The following SNX27 variants were observed in gnomAD, a reference collection of about 807,000 sequenced individuals.
The protein encoded by SNX27 is sorting nexin-27.
A neutral mutation model predicts 71.6 loss-of-function variants in SNX27; 22 were observed. The observed-to-expected ratio is 0.31, with a 90% CI of 0.22 to 0.44. The LOEUF (loss-of-function observed/expected upper bound fraction) is 0.44. Ranked by LOEUF, SNX27 falls within the 20% of genes least tolerant of loss-of-function variation. The pLI, the probability that SNX27 is intolerant of heterozygous loss-of-function variation, is 1.00. For synonymous variants in SNX27, 269 were observed against 277.2 expected, an observed-to-expected ratio of 0.97 and a Z score of 0.29; for missense variants, 531 against 698.6, an observed-to-expected ratio of 0.76 and a Z score of 2.70.
Position 151,612,472 on chromosome 1 carries a change from G to T in SNX27, c.271G>T (p.Asp91Tyr), listed in dbSNP as rs747022780. ...VSAVLPGGAA[D>Y]RAGVRKGDRI... ...CGCCGTGCTGCCCGGGGGGGCGGCC[G>T]ATCGGGCCGGGGTGCGCAAGGGGGA... The change falls in exon 1 of 12, where the codon GAT becomes TAT. Residue 91 changes from aspartate to tyrosine, a missense_variant. By Grantham distance (160) the Asp-to-Tyr change is radical. Coordinates refer to ENST00000458013, the MANE Select transcript of SNX27 (RefSeq NM_001330723.2). This position sits in a 1 kb window ranked among gnomAD's most constrained non-coding sequence, Gnocchi z 5.2. 2 of 1,418,660 alleles carry T rather than the reference G, an allele frequency of 1.4e-6. No homozygotes were observed. The highest frequency in any genetic ancestry group is 1.5e-5 in the African/African-American group (1 of 67,356). The allele number at this position is 1,418,660 out of a possible 1,614,324, so 87.9% of individuals were successfully genotyped here. A position where few individuals can be genotyped will look rare whatever the true frequency, so the allele number is the denominator to read the frequency against.
intron 5 of SNX27, among the ~76,000 whole-genome samples, chr1:151,665,181 C>T (rs1190181409): frequency 1.3e-5 from 2 of 152,122 alleles, no homozygotes; most frequent in African/African-American, 4.8e-5. Flanking sequence ...TTTGTTACTA[C>T]CAGTTTATGT....
Position 151,662,096 on chromosome 1 carries a change from A to G in SNX27, c.802-70A>G, listed in dbSNP as rs953765605. 1.2e-5 allele frequency: 12 copies of G among 968,834 alleles called. No individual in the cohort carries two copies. The African/African-American group carries it at 2.0e-4, about 16-fold the overall frequency. The allele number at this position is 968,834 out of a possible 1,614,324, so 60.0% of individuals were successfully genotyped here. A position where few individuals can be genotyped will look rare whatever the true frequency, so the allele number is the denominator to read the frequency against. On this transcript the variant is annotated intron_variant, in intron 4 of 11. Coordinates refer to ENST00000458013, the MANE Select transcript of SNX27 (RefSeq NM_001330723.2). ...TCTACCACGTTTTAGGTTATTGTCT[A>G]GCTAGCTTGTTACAGGGAGAGTGAA...
At chr1:151,640,471 G>A (rs1003709586) in intron 2 of SNX27, among the ~76,000 whole-genome samples, 1 of 151,986 alleles carries the variant, frequency 6.6e-6, no homozygotes, top group Non-Finnish European at 1.5e-5. Flanking sequence ...TCTGCCTCCC[G>A]GGTTCAAACA....
chr1:151,676,214 AT>A (rs989325034), intron 7 of SNX27: 2 of 143,014 alleles, frequency 1.4e-5, no homozygotes, highest in African/African-American at 5.2e-5. Flanking sequence ...TGTCTTTGCC[AT>A]TTTAATAGAT....
chr1:151,636,005 A>G lies in SNX27; in HGVS notation c.312-2883A>G, dbSNP rs557025364. Among the ~76,000 whole-genome samples, 7 of 152,160 alleles carry G rather than the reference A, an allele frequency of 4.6e-5. 1 individual carries two copies. Among genetic ancestry groups the G allele is most frequent in the Non-Finnish European group, 7.4e-5 (5 of 68,016 alleles). On this transcript the variant is annotated intron_variant, in intron 1 of 11. Transcript: ENST00000458013. ...TGGGTGGAGGTGTGTATTGAAAGCAATAGTTCTGAATCTTTTTGGAGTTTA... is the reference window on the plus strand; with the variant it reads ...TGGGTGGAGGTGTGTATTGAAAGCAGTAGTTCTGAATCTTTTTGGAGTTTA...
At chr1:151,637,165 T>G (rs1668499354) in intron 1 of SNX27, among the ~76,000 whole-genome samples, 1 of 89,618 alleles carries the variant, frequency 1.1e-5, no homozygotes, top group South Asian at 3.1e-4. Flanking sequence ...TTTTTTTGTT[T>G]TTTTGTTTTT....
chr1:151,629,493 A>ATG (rs1668107291), intron 1 of SNX27: 1 of 150,362 alleles, frequency 6.7e-6, no homozygotes, highest in African/African-American at 2.4e-5. Flanking sequence ...ATATACATGT[A>ATG]TGCGTATATA....
chr1:151,693,640 C>T, intron 11 of SNX27, 157 bp downstream of exon 11: 1 of 1,613,414 alleles, frequency 6.2e-7, no homozygotes, highest in Non-Finnish European at 8.5e-7. Context: ...GGACATTCTT[C>T]CAGCAAGGTT....
chr1:151,673,059 C>A (rs1027221600), intron 7 of SNX27, among the ~76,000 whole-genome samples: 2 of 151,484 alleles, frequency 1.3e-5, no homozygotes, highest in Non-Finnish European at 3.0e-5. Flanking sequence ...TAAGATGCAT[C>A]ATTGTTTGAA....
intron 7 of SNX27, among the ~76,000 whole-genome samples, chr1:151,674,911 C>T (rs1670607736): frequency 6.6e-6 from 1 of 152,004 alleles, no homozygotes; most frequent in South Asian, 2.1e-4. Context: ...TGGTCTTGAT[C>T]TCTTGACCTT....
intron 2 of SNX27, among the ~76,000 whole-genome samples, chr1:151,651,078 G>A (rs1259872408): frequency 2.0e-5 from 3 of 151,812 alleles, no homozygotes; most frequent in Non-Finnish European, 2.9e-5. Flanking sequence ...CCACAAAGCC[G>A]CCATTGTCAT....
chr1:151,668,200 G>A (rs1264038618), intron 6 of SNX27, among the ~76,000 whole-genome samples: 1 of 152,140 alleles, frequency 6.6e-6, no homozygotes, highest in African/African-American at 2.4e-5. Flanking sequence ...TGAACTTTGC[G>A]GGGTGACAAA....
chr1:151,675,340 A>T (rs1670635572), intron 7 of SNX27, among the ~76,000 whole-genome samples: 1 of 152,144 alleles, frequency 6.6e-6, no homozygotes, highest in African/African-American at 2.4e-5. Flanking sequence ...GCCCTCTTTT[A>T]GGAACTTTTC....
chr1:151,646,832 T>C (rs1470852513), intron 2 of SNX27, among the ~76,000 whole-genome samples: 1 of 151,890 alleles, frequency 6.6e-6, no homozygotes, highest in Non-Finnish European at 1.5e-5. Context: ...TAATACCTTC[T>C]GTGTGTGTGC....
intron 7 of SNX27, among the ~76,000 whole-genome samples, chr1:151,671,278 C>T (rs1317919500): frequency 2.6e-5 from 4 of 151,200 alleles, no homozygotes; most frequent in Admixed American, 6.6e-5. Flanking sequence ...CGCTTTGTCA[C>T]CCAGACCAGA....
At chr1:151,621,718 G>A (rs1016030932) in intron 1 of SNX27, among the ~76,000 whole-genome samples, 2 of 152,182 alleles carry the variant, frequency 1.3e-5, no homozygotes, top group Non-Finnish European at 2.9e-5. Context: ...TTATATCTAT[G>A]TGTTGATCTA....
In SNX27 at chr1:151,612,609, G is replaced by A; in HGVS notation, c.311+97G>A. ...GTCACCCCCAGGCCGCACCTCCCCC[G>A]AGCTCCGAGCCGGCCTCCGGACCCC... On this transcript the variant is annotated intron_variant, in intron 1 of 11. Coordinates refer to ENST00000458013, the MANE Select transcript of SNX27 (RefSeq NM_001330723.2). This position sits in a 1 kb window ranked among gnomAD's most constrained non-coding sequence, Gnocchi z 5.2. 2 of 918,572 alleles carry A rather than the reference G, an allele frequency of 2.2e-6. No individual in the cohort carries two copies. Among genetic ancestry groups the A allele is most frequent in the Non-Finnish European group, 2.7e-6 (2 of 734,064 alleles). The allele number at this position is 918,572 out of a possible 1,614,324, so 56.9% of individuals were successfully genotyped here. A position where few individuals can be genotyped will look rare whatever the true frequency, so the allele number is the denominator to read the frequency against.
chr1:151,678,050 G>A (rs1670775996), intron 7 of SNX27: 1 of 151,706 alleles, frequency 6.6e-6, no homozygotes, highest in African/African-American at 2.4e-5. Context: ...TTAAAGGAGG[G>A]GACAGAATCT....
rs546709844 is a variant in SNX27 at position 151,632,551 on chromosome 1, A to C, written c.312-6337A>C. ...AAAAGCCAAAGCAGAAGTAGGGGTA[A>C]ACTAGCTGTGTCTTAATTTTCTTTT... On this transcript the variant is annotated intron_variant, in intron 1 of 11. Transcript: ENST00000458013. Among the ~76,000 whole-genome samples the C allele has an allele frequency of 7.2e-4, 109 of 152,202 alleles. 1 individual carries two copies. Among genetic ancestry groups the C allele is most frequent in the Non-Finnish European group, 1.2e-3 (81 of 68,034 alleles).
Sources: gnomAD v4.1 joint callset for allele counts (sites outside exome capture counted in the v4.1 genomes callset) on GRCh38, gnomAD v4.1.1 for gene constraint, Gnocchi (gnomAD v3.1) non-coding constraint, MANE v1.5 for transcripts, NCBI Gene and HGNC (gene_info 2026-07-23, HGNC 2026-07-21) for gene names.